SMOC1: variants seen among roughly 807,000 people sequenced by gnomAD.
The protein encoded by SMOC1 is SPARC-related modular calcium-binding protein 1.
A neutral mutation model predicts 56.3 loss-of-function variants in SMOC1; 22 were observed. The observed-to-expected ratio is 0.39, with a 90% CI of 0.28 to 0.56. The LOEUF is 0.56. Ranked by LOEUF, SMOC1 falls within the 20% of genes least tolerant of loss-of-function variation. SMOC1 has a pLI of 0.61. For missense variants in SMOC1, 509 were observed against 565.4 expected, an observed-to-expected ratio of 0.90 and a Z score of 1.01; for synonymous variants, 193 against 215.0, an observed-to-expected ratio of 0.90 and a Z score of 0.89.
chr14:69,940,995 G>T (rs769527659), intron 1 of SMOC1, among the ~76,000 whole-genome samples: 2 of 152,158 alleles, frequency 1.3e-5, no homozygotes, highest in African/African-American at 4.8e-5. Flanking sequence ...CTGAGTAAAA[G>T]GTTTGATGCC....
At chr14:69,975,867 G>T in intron 4 of SMOC1, 53 bp downstream of exon 4, 1 of 1,332,070 alleles carries the variant, frequency 7.5e-7, no homozygotes, top group African/African-American at 1.4e-5. Context: ...AGACCCGTTG[G>T]TTGGTCTCCT....
At chr14:69,928,700 A>C (rs1471547468) in intron 1 of SMOC1, among the ~76,000 whole-genome samples, 1 of 152,020 alleles carries the variant, frequency 6.6e-6, no homozygotes, top group African/African-American at 2.4e-5. Context: ...TCAATTTGGG[A>C]GGAAAGTCTA....
intron 5 of SMOC1, among the ~76,000 whole-genome samples, chr14:69,981,544 G>A (rs1206998456): frequency 6.6e-6 from 1 of 152,094 alleles, no homozygotes; most frequent in Non-Finnish European, 1.5e-5. Context: ...TGTGGGAGAG[G>A]GGGACGGTGC....
rs780500014 is a variant in SMOC1 at position 69,879,710 on chromosome 14, C to T, written c.32C>T (p.Thr11Met). The T allele has an allele frequency of 1.1e-5, 18 of 1,587,058 alleles. No homozygotes were observed. The East Asian group carries it at 3.7e-4, about 32-fold the overall frequency. ...CCCGCGCGCTGCGCCCGCCTGCTCA[C>T]GCCCCACTTGCTGCTGGTGTTGGTG... Reference protein sequence around the residue: MLPARCARLLTPHLLLVLVQL... With the variant: MLPARCARLLMPHLLLVLVQL... The change falls in exon 1 of 12, where the codon ACG becomes ATG. Residue 11 changes from threonine (T) to methionine (M), a missense_variant. By Grantham distance (81) the Thr-to-Met change is moderately conservative. Coordinates refer to ENST00000361956, the MANE Select transcript of SMOC1 (RefSeq NM_001034852.3).
At chr14:69,991,369 C>A (rs1291067805) in intron 5 of SMOC1, among the ~76,000 whole-genome samples, 2 of 152,198 alleles carry the variant, frequency 1.3e-5, no homozygotes, top group Non-Finnish European at 1.5e-5. Flanking sequence ...ATGAAAAACA[C>A]TCATTTTACA....
chr14:69,992,270 C>T, intron 5 of SMOC1, 147 bp from the exon 6 acceptor site: 1 of 727,624 alleles, frequency 1.4e-6, no homozygotes, highest in Non-Finnish European at 2.4e-6. Context: ...TTGCCCTTTT[C>T]TTCTTTTGTT....
rs1040706203 is a variant in SMOC1 at position 69,961,142 on chromosome 14, C to G, written c.378+7610C>G. On this transcript the variant is annotated intron_variant, in intron 3 of 11. Coordinates refer to ENST00000361956, the MANE Select transcript of SMOC1 (RefSeq NM_001034852.3). ...ATTTGCTTATTCTGGACATTTCATA[C>G]AAATGGAATAATAATATGTGGTCCT... Among the ~76,000 whole-genome samples, 9 of 151,750 alleles carry G rather than the reference C, an allele frequency of 5.9e-5. No homozygotes were observed. In the East Asian group the frequency reaches 1.6e-3, roughly 26 times the overall value.
At chr14:70,000,699 C>T (rs189754361) in intron 7 of SMOC1, among the ~76,000 whole-genome samples, 1 of 152,210 alleles carries the variant, frequency 6.6e-6, no homozygotes, top group African/African-American at 2.4e-5. Flanking sequence ...CCTGTAGGAA[C>T]TCAGTCTCTG....
At chr14:69,960,265 G>A (rs1171192366) in intron 3 of SMOC1, among the ~76,000 whole-genome samples, 1 of 152,170 alleles carries the variant, frequency 6.6e-6, no homozygotes, top group African/African-American at 2.4e-5. Flanking sequence ...CTTGCCTAGA[G>A]CAACAGTTTG....
At chr14:69,946,200 A>G (rs975216939) in intron 1 of SMOC1, among the ~76,000 whole-genome samples, 1 of 152,208 alleles carries the variant, frequency 6.6e-6, no homozygotes, top group African/African-American at 2.4e-5. Flanking sequence ...AAGAATCAGC[A>G]TGTGTGCATT....
In SMOC1 at chr14:69,975,729, T is replaced by C. The variant is rs540188604; in HGVS notation, c.393T>C (p.Thr131=). Reference sequence around the variant, plus strand: ...TCCCTGAACAGGTGCAGTGCCATACTTACACTGGGTACTGCTGGTGTGTCA... The same window carrying C: ...TCCCTGAACAGGTGCAGTGCCATACCTACACTGGGTACTGCTGGTGTGTCA... The part of the protein sequence containing the change: ...DGSFTQVQCH[T]YTGYCWCVTP... Residue 131 remains threonine (T), a synonymous_variant, in exon 4 of 12, where the codon ACT becomes ACC. Coordinates refer to ENST00000361956, the MANE Select transcript of SMOC1 (RefSeq NM_001034852.3). 1.2e-6 allele frequency: 2 copies of C among 1,612,820 alleles called. No individual in the cohort carries two copies. The highest frequency in any genetic ancestry group is 1.7e-6 in the Non-Finnish European group (2 of 1,179,680).
At chr14:69,883,390 C>T (rs539238056) in intron 1 of SMOC1, among the ~76,000 whole-genome samples, 10 of 152,276 alleles carry the variant, frequency 6.6e-5, no homozygotes, top group African/African-American at 2.4e-4. Flanking sequence ...CAGTATCTGT[C>T]CTTCTGTGGC....
chr14:69,994,516 T>A, intron 7 of SMOC1, 36 bp downstream of exon 7: 1 of 1,524,948 alleles, frequency 6.6e-7, no homozygotes, highest in Non-Finnish European at 9.1e-7. Flanking sequence ...ATGTACCCAG[T>A]CCATCCTTCC....
chr14:69,900,446 C>T (rs900559779), intron 1 of SMOC1, among the ~76,000 whole-genome samples: 1 of 152,230 alleles, frequency 6.6e-6, no homozygotes, highest in Non-Finnish European at 1.5e-5. Flanking sequence ...GATAGTCCCT[C>T]GTTTATGGAG....
chr14:69,953,749 G>A (rs574789843), intron 3 of SMOC1, among the ~76,000 whole-genome samples: 1 of 152,344 alleles, frequency 6.6e-6, no homozygotes, highest in East Asian at 1.9e-4. Context: ...AAAGACGCAT[G>A]GAAGCCCAAG....
intron 1 of SMOC1, among the ~76,000 whole-genome samples, chr14:69,940,933 G>C (rs890514238): frequency 6.6e-6 from 1 of 152,166 alleles, no homozygotes; most frequent in Non-Finnish European, 1.5e-5. Flanking sequence ...TTTAGTGACA[G>C]GGCAGGGGTG....
At chr14:69,936,006 C>T (rs1885285620) in intron 1 of SMOC1, among the ~76,000 whole-genome samples, 1 of 152,184 alleles carries the variant, frequency 6.6e-6, no homozygotes, top group Admixed American at 6.5e-5. Flanking sequence ...GTCCTAAGGG[C>T]ATCTTTCAGC....
chr14:69,999,636 AT>A (rs766063155), intron 7 of SMOC1, among the ~76,000 whole-genome samples: 30 of 152,270 alleles, frequency 2.0e-4, no homozygotes, highest in Admixed American at 1.2e-3. Context: ...GCCTTGGTCA[AT>A]CATGGCCAGT....
chr14:70,020,703 C>T (rs1022614737), intron 10 of SMOC1, among the ~76,000 whole-genome samples: 43 of 152,148 alleles, frequency 2.8e-4, no homozygotes, highest in Non-Finnish European at 4.9e-4. Flanking sequence ...ACTGGGAGGC[C>T]TTGATGGGAG....
Sources: gnomAD v4.1 joint callset for allele counts (sites outside exome capture counted in the v4.1 genomes callset) on GRCh38, gnomAD v4.1.1 for gene constraint, MANE v1.5 for transcripts, NCBI Gene and HGNC (gene_info 2026-07-23, HGNC 2026-07-21) for gene names.